Variants in MAST3 observed in about 807,000 individuals in gnomAD.
MAST3 encodes microtubule-associated serine/threonine-protein kinase 3.
In MAST3, 43 loss-of-function variants were observed where a neutral mutation model predicts 127.0. The observed-to-expected ratio is 0.34, with a 90% confidence interval of 0.27 to 0.44. MAST3 has a LOEUF of 0.44. MAST3 is among the 20% of genes least tolerant of loss of function. MAST3 has a pLI of 1.00. For missense variants in MAST3, 1,390 were observed against 1,919.1 expected (o/e 0.72, Z 5.15); for synonymous variants, 785 against 809.2 (o/e 0.97, Z 0.51).
intron 21 of MAST3, among the ~76,000 whole-genome samples, chr19:18,142,881 C>T (rs1221616452): frequency 6.6e-6 from 1 of 151,870 alleles, no homozygotes; most frequent in African/African-American, 2.4e-5. Flanking sequence ...GAAGCCGAGG[C>T]AGGTGGATTA....
intron 18 of MAST3, among the ~76,000 whole-genome samples, chr19:18,136,504 C>T (rs2041903028): frequency 6.6e-6 from 1 of 152,204 alleles, no homozygotes; most frequent in Admixed American, 6.5e-5. Context: ...CAACCTCCGC[C>T]TCCCAGGCTC....
chr19:18,116,125 G>A (rs1264585312), intron 3 of MAST3, among the ~76,000 whole-genome samples: 1 of 94,844 alleles, frequency 1.1e-5, no homozygotes, highest in Non-Finnish European at 1.7e-5. Context: ...ACGGAGTCTC[G>A]CTCTATCACC....
chr19:18,147,640 C>T lies in MAST3; in HGVS notation c.3508+16C>T. ...GTCCCAGCAGGTGGGTGCACCCCGA[C>T]CCCCCACCACCCCGGCTACCCTGGG... On this transcript the variant is annotated intron_variant, in intron 27 of 27. Transcript: ENST00000687212. 4 of 1,496,012 alleles carry T rather than the reference C, an allele frequency of 2.7e-6. No individual in the cohort carries two copies. The South Asian group carries it at 3.9e-5, about 15-fold the overall frequency. 92.7% of individuals were successfully genotyped at this position (1,496,012 alleles called of 1,614,324 possible). A position where few individuals can be genotyped will look rare whatever the true frequency, so the allele number is the denominator to read the frequency against.
rs1410828908 is a variant in MAST3, at chr19:18,112,163, G to T, written c.161+1422G>T. 6.6e-6 allele frequency among the ~76,000 whole-genome samples: 1 copy of T among 152,172 alleles called. No individual in the cohort carries two copies. The highest frequency in any genetic ancestry group is 2.4e-5 in the African/African-American group (1 of 41,444). On this transcript the variant is annotated intron_variant, in intron 3 of 27. Transcript: ENST00000687212. This position sits in a 1 kb window ranked among gnomAD's most constrained non-coding sequence, Gnocchi z 4.1. ...TCCTGTGGCAGGACTGAGGTGGTGG[G>T]TTTTTTGTTTTTGTTTTTTGAGACA...
At position 18,128,438 on chromosome 19, in the gene MAST3, C is replaced by T; in HGVS notation, c.1117C>T (p.Pro373Ser). Reference protein sequence around the residue: ...PLSHLEEEQPPAPESPESRAL... With the variant: ...PLSHLEEEQPSAPESPESRAL... ...GAGTCACCTCGAAGAAGAACAGCCC[C>T]CAGCACCTGAGTCCCCAGAGGTGAG... Residue 373 changes from proline (P) to serine (S), a missense_variant, in exon 12 of 28, where the codon CCA becomes TCA. Transcript: ENST00000687212. 1 of 1,557,030 alleles carries T rather than the reference C, an allele frequency of 6.4e-7. No individual in the cohort carries two copies. The highest frequency in any genetic ancestry group is 8.7e-7 in the Non-Finnish European group (1 of 1,150,382).
At chr19:18,134,223 AAT>A (rs1555802462) in intron 15 of MAST3, among the ~76,000 whole-genome samples, 11 of 151,128 alleles carry the variant, frequency 7.3e-5, no homozygotes, top group African/African-American at 1.9e-4. Context: ...ACACTAAAAA[AAT>A]ATATATATAT....
At position 18,145,947 on chromosome 19, in the gene MAST3, C is replaced by A; in HGVS notation, c.3162+82C>A. On this transcript the variant is annotated intron_variant, in intron 25 of 27. Coordinates refer to ENST00000687212, the MANE Select transcript of MAST3 (RefSeq NM_001393504.1). The surrounding 1 kb of genome is among the most constrained non-coding windows in gnomAD (Gnocchi z 5.9). ...CCCGGTTCCCCGTGGTTCTCCGCGT[C>A]CAGACACACAACCCCACATTCAATG... 1 of 1,457,576 alleles carries A rather than the reference C, an allele frequency of 6.9e-7. No homozygotes were observed. The highest frequency in any genetic ancestry group is 2.9e-5 in the Admixed American group (1 of 35,040). The allele number at this position is 1,457,576 out of a possible 1,614,324, so 90.3% of individuals were successfully genotyped here. A position where few individuals can be genotyped will look rare whatever the true frequency, so the allele number is the denominator to read the frequency against.
rs2041693872 is a variant in MAST3, at chr19:18,134,564, C to T, written c.1572-15C>T. Reference sequence around the variant, plus strand: ...CAGCCCCCCAGCTCTGAGCACACTCCTAACCTGCCCACAGTCTGCTCATCA... The same window carrying T: ...CAGCCCCCCAGCTCTGAGCACACTCTTAACCTGCCCACAGTCTGCTCATCA... On this transcript the variant is annotated splice_polypyrimidine_tract_variant and intron_variant, in intron 15 of 27. Transcript: ENST00000687212. 3 of 1,606,910 alleles carry T rather than the reference C, an allele frequency of 1.9e-6. No homozygotes were observed. The East Asian group carries it at 6.7e-5, about 36-fold the overall frequency.
chr19:18,124,767 C>T lies in MAST3; in HGVS notation c.1071C>T (p.Pro357=), dbSNP rs369688499. 6.3e-7 allele frequency: 1 copy of T among 1,594,886 alleles called. No homozygotes were observed. The highest frequency in any genetic ancestry group is 1.1e-5 in the South Asian group (1 of 89,794). ...GGCAGCTGGGCCTGGCCAAGGACCC[C>T]CTGGAGGGTAAGCCGGGATGGGAAG... is the stretch of plus-strand genomic sequence containing the variant. The part of the protein sequence containing the change: ...IIGQLGLAKD[P]LEEMVPLSHL... Residue 357 remains proline, a synonymous_variant, in exon 11 of 28, where the codon CCC becomes CCT. Coordinates refer to ENST00000687212, the MANE Select transcript of MAST3 (RefSeq NM_001393504.1).
At position 18,130,815 on chromosome 19, in the gene MAST3, C is replaced by G. The variant is rs1245808690; in HGVS notation, c.1432+113C>G. On this transcript the variant is annotated intron_variant, in intron 14 of 27. Transcript: ENST00000687212. ...TGTTCTGTCCTCCATGAGGTCTCAC[C>G]CTGCTTTGGGGAACCCTCAGGAACC... is the stretch of plus-strand genomic sequence containing the variant. 2.7e-6 allele frequency: 3 copies of G among 1,118,152 alleles called. No individual in the cohort carries two copies. In the East Asian group the frequency reaches 7.8e-5, roughly 29 times the overall value. The allele number at this position is 1,118,152 out of a possible 1,614,324, so 69.3% of individuals were successfully genotyped here.
intron 3 of MAST3, among the ~76,000 whole-genome samples, chr19:18,118,476 A>C (rs1312179646): frequency 1.3e-5 from 2 of 152,104 alleles, no homozygotes; most frequent in African/African-American, 4.8e-5. Context: ...CCAGCGTCGC[A>C]GCTGGGGTGG....
At chr19:18,125,420 C>T (rs2040496987) in intron 11 of MAST3, among the ~76,000 whole-genome samples, 1 of 152,208 alleles carries the variant, frequency 6.6e-6, no homozygotes, top group African/African-American at 2.4e-5. Context: ...TCAAACAGGA[C>T]AACCCGTAGG....
chr19:18,147,646 A>C (rs1198583661), intron 27 of MAST3, 22 bp downstream of exon 27: 4 of 1,482,868 alleles, frequency 2.7e-6, no homozygotes, highest in East Asian at 2.5e-5. Context: ...CCGACCCCCC[A>C]CCACCCCGGC....
At chr19:18,134,203 T>C (rs541599462) in intron 15 of MAST3, among the ~76,000 whole-genome samples, 12 of 148,792 alleles carry the variant, frequency 8.1e-5, no homozygotes, top group African/African-American at 2.7e-4. Flanking sequence ...ACCCCGTCTC[T>C]ACTAAAAGTA....
At chr19:18,107,448 G>C in intron 1 of MAST3, 139 bp from the exon 2 acceptor site, 1 of 890,916 alleles carries the variant, frequency 1.1e-6, no homozygotes, top group Non-Finnish European at 1.9e-6. Flanking sequence ...CTTGAGGCAG[G>C]GCTGAGCCAG....
At chr19:18,116,237 G>A (rs771698672) in intron 3 of MAST3, among the ~76,000 whole-genome samples, 5 of 151,262 alleles carry the variant, frequency 3.3e-5, no homozygotes, top group Non-Finnish European at 5.9e-5. Flanking sequence ...GGGAATACAG[G>A]CATGCACCAC....
intron 3 of MAST3, among the ~76,000 whole-genome samples, chr19:18,111,478 C>T (rs1465430484): frequency 1.3e-5 from 2 of 150,436 alleles, no homozygotes; most frequent in African/African-American, 2.4e-5. Context: ...TTATGTGGCC[C>T]ATCAACCATT....
At chr19:18,147,409 A>G in intron 26 of MAST3, 34 bp from the exon 27 acceptor site, 2 of 1,601,998 alleles carry the variant, frequency 1.2e-6, no homozygotes, top group Non-Finnish European at 1.7e-6. Context: ...GGCCAGGAGC[A>G]GGGGTTCTGA....
chr19:18,144,508 G>A lies in MAST3; in HGVS notation c.2627G>A (p.Ser876Asn), dbSNP rs1386898875. 1 of 1,605,548 alleles carries A rather than the reference G, an allele frequency of 6.2e-7. No individual in the cohort carries two copies. The highest frequency in any genetic ancestry group is 8.5e-7 in the Non-Finnish European group (1 of 1,177,534). The change falls in exon 23 of 28, where the codon AGC becomes AAC. Residue 876 changes from serine (S) to asparagine (N), a missense_variant. Physicochemically the swap from Ser to Asn is conservative, Grantham distance 46 (BLOSUM62 1). This residue lies in a region of MAST3 where 816 missense variants were observed against 934.1 expected (regional missense o/e 0.87). Coordinates refer to ENST00000687212, the MANE Select transcript of MAST3 (RefSeq NM_001393504.1). The surrounding 1 kb of genome is among the most constrained non-coding windows in gnomAD (Gnocchi z 4.0). ...AGCCACGCCCGCCTACGGAGCAATA[G>A]CATCGGCGCCCGACACTCCACACCA... is the stretch of plus-strand genomic sequence containing the variant. ...ALSHARLRSNSIGARHSTPRP... is the reference protein window; with the variant it reads ...ALSHARLRSNNIGARHSTPRP...
Sources: gnomAD v4.1 joint callset for allele counts (sites outside exome capture counted in the v4.1 genomes callset) on GRCh38, gnomAD v4.1.1 for gene constraint, gnomAD v4.1.1 regional missense constraint, Gnocchi (gnomAD v3.1) non-coding constraint, MANE v1.5 for transcripts, NCBI Gene and HGNC (gene_info 2026-07-23, HGNC 2026-07-21) for gene names.